Variants in RERG observed in about 807,000 individuals in gnomAD.
RERG encodes RAS like estrogen regulated growth inhibitor, also known as ras-related and estrogen-regulated growth inhibitor.
In RERG, 25 loss-of-function variants were observed where a neutral mutation model predicts 23.2. The observed-to-expected ratio is 1.08, with a 90% CI of 0.79 to 1.50. The LOEUF (loss-of-function observed/expected upper bound fraction) is 1.50. Among genes scored for constraint, RERG ranks in the 40% most tolerant of loss-of-function variants. The pLI, the probability that RERG is intolerant of heterozygous loss-of-function variation, is 0.00. For synonymous variants in RERG, 81 were observed against 89.1 expected (o/e 0.91, Z 0.51); for missense variants, 253 against 250.1 (o/e 1.01, Z -0.08).
intron 2 of RERG, among the ~76,000 whole-genome samples, chr12:15,135,668 G>A (rs1461533873): frequency 6.7e-6 from 1 of 149,234 alleles, no homozygotes; most frequent in Non-Finnish European, 1.5e-5. Flanking sequence ...GTATGATCAT[G>A]TGATTTTTCA....
intron 2 of RERG, among the ~76,000 whole-genome samples, chr12:15,181,851 C>T (rs1189849728): frequency 6.6e-6 from 1 of 152,078 alleles, no homozygotes; most frequent in Non-Finnish European, 1.5e-5. Context: ...AAAATACCTG[C>T]AGGGCATTGC....
At chr12:15,217,281 G>T in intron 2 of RERG, 148 bp downstream of exon 2, 1 of 637,588 alleles carries the variant, frequency 1.6e-6, no homozygotes. Flanking sequence ...CAAAATAAAA[G>T]TTCTAGATGA....
intron 2 of RERG, among the ~76,000 whole-genome samples, chr12:15,126,151 A>ATC (rs1310719730): frequency 7.2e-6 from 1 of 139,594 alleles, no homozygotes; most frequent in Non-Finnish European, 1.6e-5. Context: ...ATATATATAT[A>ATC]TGTATTTACA....
chr12:15,210,296 G>A (rs913353648), intron 2 of RERG, among the ~76,000 whole-genome samples: 6 of 152,146 alleles, frequency 3.9e-5, no homozygotes, highest in African/African-American at 1.4e-4. Context: ...TAGATAGCTG[G>A]TATTTAACTA....
In RERG at chr12:15,209,315, TTGAA is replaced by T. The variant is rs750601965; in HGVS notation, c.61+8110_61+8113del. 1.2e-4 allele frequency among the ~76,000 whole-genome samples: 18 copies of T among 152,164 alleles called. 1 individual carries two copies. The South Asian group carries it at 1.2e-3, about 11-fold the overall frequency. ...TTGTCCTACCTGCATTCTGTAAAAATTGAAAAAAGAACAATTGAATCCATCATTG... is the reference window on the plus strand; with the variant it reads ...TTGTCCTACCTGCATTCTGTAAAAATAAAAGAACAATTGAATCCATCATTG... On this transcript the variant is annotated intron_variant, in intron 2 of 4. Transcript: ENST00000256953.
intron 2 of RERG, among the ~76,000 whole-genome samples, chr12:15,187,707 C>T (rs1173802448): frequency 2.0e-5 from 3 of 151,642 alleles, no homozygotes; most frequent in Non-Finnish European, 2.9e-5. Context: ...TACAGGCACC[C>T]GCCACCACAC....
chr12:15,176,684 GT>G lies in RERG; in HGVS notation c.61+40744del, dbSNP rs1311188374. On this transcript the variant is annotated intron_variant, in intron 2 of 4. Transcript: ENST00000256953. ...TCTCTTTTGGACTTTGGGGACTTGG[GT>G]CCAGTGAGATCTGAAAATACCCAAA... Among the ~76,000 whole-genome samples, 5 of 152,048 alleles carry G rather than the reference GT, an allele frequency of 3.3e-5. No homozygotes were observed. The East Asian group carries it at 9.6e-4, about 29-fold the overall frequency.
chr12:15,135,193 G>A (rs1225629152), intron 2 of RERG, among the ~76,000 whole-genome samples: 2 of 152,072 alleles, frequency 1.3e-5, no homozygotes, highest in African/African-American at 4.8e-5. Context: ...AACATAAATG[G>A]TAGAATGTTT....
intron 2 of RERG, among the ~76,000 whole-genome samples, chr12:15,194,392 G>C: frequency 6.6e-6 from 1 of 151,850 alleles, no homozygotes; most frequent in East Asian, 1.9e-4. Flanking sequence ...GCTACTCCTC[G>C]GTTCTCAAAA....
chr12:15,216,631 C>T (rs1865443973), intron 2 of RERG, among the ~76,000 whole-genome samples: 1 of 152,170 alleles, frequency 6.6e-6, no homozygotes, highest in Admixed American at 6.5e-5. Context: ...ATTATGGTTC[C>T]TTCCTCCAGT....
At chr12:15,185,694 A>G (rs1415563199) in intron 2 of RERG, among the ~76,000 whole-genome samples, 1 of 152,118 alleles carries the variant, frequency 6.6e-6, no homozygotes, top group Non-Finnish European at 1.5e-5. Flanking sequence ...GGGGAAAGGT[A>G]AGAGGAGGGT....
At chr12:15,109,610 T>C (rs1863567149) in intron 4 of RERG, 93 bp from the exon 5 acceptor site, 23 of 953,172 alleles carry the variant, frequency 2.4e-5, no homozygotes, top group Non-Finnish European at 3.6e-5. Flanking sequence ...TAATTACTAT[T>C]CTTTATATCC....
At chr12:15,198,826 C>T (rs1865179658) in intron 2 of RERG, among the ~76,000 whole-genome samples, 1 of 152,190 alleles carries the variant, frequency 6.6e-6, no homozygotes, top group South Asian at 2.1e-4. Context: ...TCACATCTCC[C>T]CCGACTTCAG....
At chr12:15,217,983 G>C (rs946289618) in intron 1 of RERG, 1 of 153,088 alleles carries the variant, frequency 6.5e-6, no homozygotes, top group Non-Finnish European at 1.5e-5. Flanking sequence ...GCAATGGAGA[G>C]AGTCACTTTT....
chr12:15,215,782 G>T (rs938583101), intron 2 of RERG, among the ~76,000 whole-genome samples: 1 of 152,124 alleles, frequency 6.6e-6, no homozygotes, highest in African/African-American at 2.4e-5. Flanking sequence ...GAAAGGCAAC[G>T]AAAACAGGCA....
intron 3 of RERG, chr12:15,114,406 G>A (rs1863681586): frequency 6.6e-6 from 1 of 152,052 alleles, no homozygotes; most frequent in Non-Finnish European, 1.5e-5. Context: ...AAGTGAACAG[G>A]AAAGAAATAC....
chr12:15,180,438 C>T (rs540228692), intron 2 of RERG, among the ~76,000 whole-genome samples: 1 of 152,142 alleles, frequency 6.6e-6, no homozygotes, highest in South Asian at 2.1e-4. Flanking sequence ...AAGGCTTGAG[C>T]TACTGGCAAT....
chr12:15,165,354 C>G (rs562359193), intron 2 of RERG, among the ~76,000 whole-genome samples: 5 of 151,846 alleles, frequency 3.3e-5, no homozygotes, highest in Admixed American at 6.5e-5. Context: ...TTTTTTTTAA[C>G]TAAAATAAAG....
At chr12:15,112,811 G>GGCTCCTTT (rs1364698560) in intron 3 of RERG, among the ~76,000 whole-genome samples, 3 of 152,164 alleles carry the variant, frequency 2.0e-5, no homozygotes, top group Admixed American at 2.0e-4. Flanking sequence ...ACATAGAGGA[G>GGCTCCTTT]TGGAAATTAT....
Sources: allele counts gnomAD v4.1 joint callset (sites outside exome capture counted in the v4.1 genomes callset), GRCh38; gene constraint gnomAD v4.1.1; transcripts MANE v1.5; gene names NCBI Gene and HGNC (gene_info 2026-07-23, HGNC 2026-07-21).